Variants in RAB14 observed in about 807,000 individuals in gnomAD.
RAB14 encodes ras-related protein Rab-14.
Under a neutral mutation model 31.1 loss-of-function variants are expected in RAB14, and 3 were observed. The observed-to-expected ratio is 0.10, with a 90% CI of 0.04 to 0.25. The LOEUF (loss-of-function observed/expected upper bound fraction) is 0.25, where lower values mean the gene tolerates loss of function less well. Among genes scored for constraint, RAB14 ranks in the 10% least tolerant of loss-of-function variants. The pLI is 1.00. For synonymous variants in RAB14, 85 were observed against 84.9 expected (o/e 1.00, Z 0.00); for missense variants, 111 against 260.1 (o/e 0.43, Z 3.94).
At chr9:121,198,022 C>CACAA (rs1049446511) in intron 1 of RAB14, among the ~76,000 whole-genome samples, 2 of 149,860 alleles carry the variant, frequency 1.3e-5, no homozygotes, top group African/African-American at 4.9e-5. Context: ...CACTTTCAAA[C>CACAA]ACACACACAC....
At chr9:121,184,772 T>C (rs1443821103) in intron 5 of RAB14, among the ~76,000 whole-genome samples, 10 of 152,140 alleles carry the variant, frequency 6.6e-5, no homozygotes, top group African/African-American at 2.2e-4. Context: ...GGAAGAAACT[T>C]TCATATACTA....
chr9:121,187,985 C>T (rs1225857659), intron 4 of RAB14, among the ~76,000 whole-genome samples: 1 of 151,852 alleles, frequency 6.6e-6, no homozygotes, highest in Non-Finnish European at 1.5e-5. Context: ...GAATATATTC[C>T]ATGATCTCTA....
At chr9:121,191,257 G>T (rs894504421) in intron 3 of RAB14, among the ~76,000 whole-genome samples, 1 of 152,026 alleles carries the variant, frequency 6.6e-6, no homozygotes, top group African/African-American at 2.4e-5. Flanking sequence ...CAATGGTCTT[G>T]GTACCCTAGG....
At chr9:121,190,158 G>A (rs1292650823) in intron 4 of RAB14, among the ~76,000 whole-genome samples, 3 of 152,044 alleles carry the variant, frequency 2.0e-5, no homozygotes, top group Non-Finnish European at 2.9e-5. Flanking sequence ...AAAACTCTTT[G>A]CTTGGCCTTC....
intron 4 of RAB14, among the ~76,000 whole-genome samples, chr9:121,187,733 G>A (rs1198890097): frequency 1.3e-5 from 2 of 151,996 alleles, no homozygotes. Context: ...TCTAAGATAA[G>A]TAAACAAACC....
At chr9:121,195,013 G>C (rs2053707373) in intron 1 of RAB14, among the ~76,000 whole-genome samples, 1 of 152,042 alleles carries the variant, frequency 6.6e-6, no homozygotes, top group African/African-American at 2.4e-5. Context: ...AGTTCTTTCA[G>C]GAAAGGGAGT....
chr9:121,190,488 A>G, intron 4 of RAB14, 66 bp downstream of exon 4: 1 of 1,391,968 alleles, frequency 7.2e-7, no homozygotes, highest in Non-Finnish European at 9.6e-7. Flanking sequence ...ATGCCTATCA[A>G]TTTTTTTTTA....
Position 121,199,076 on chromosome 9 carries a change from T to G in RAB14, c.-8+2563A>C, listed in dbSNP as rs566329299. ...TCTATATACAGGAAATAAAGTATTCTAATACTGGACCTCTGTTTACAGAAA... is the reference window on the plus strand; with the variant it reads ...TCTATATACAGGAAATAAAGTATTCGAATACTGGACCTCTGTTTACAGAAA... On this transcript the variant is annotated intron_variant, in intron 1 of 7. Transcript: ENST00000373840. Among the ~76,000 whole-genome samples, 28 of 152,312 alleles carry G rather than the reference T, an allele frequency of 1.8e-4. 1 individual carries two copies. In the South Asian group the frequency reaches 5.8e-3, roughly 32 times the overall value.
At chr9:121,183,988 G>A (rs2053646836) in intron 5 of RAB14, among the ~76,000 whole-genome samples, 1 of 152,146 alleles carries the variant, frequency 6.6e-6, no homozygotes, top group African/African-American at 2.4e-5. Context: ...TCCTCAAAAA[G>A]TTTGAAAGCC....
rs931857116 is a variant in RAB14 at position 121,178,843 on chromosome 9, C to T, written c.*2553G>A. The T allele has an allele frequency of 4.6e-5, 7 of 152,192 alleles. No individual in the cohort carries two copies. In the South Asian group the frequency reaches 8.3e-4, roughly 18 times the overall value. 9.4% of individuals were successfully genotyped at this position (152,192 alleles called of 1,614,324 possible). A position where few individuals can be genotyped will look rare whatever the true frequency, so the allele number is the denominator to read the frequency against. On this transcript the variant is annotated 3_prime_UTR_variant, in exon 8 of 8. Coordinates refer to ENST00000373840, the MANE Select transcript of RAB14 (RefSeq NM_016322.4). ...CAGGTCCAAGGGCAATGAGCAACCT[C>T]AAGAGGCAGGTGACTGCACAAGCAG... is the stretch of plus-strand genomic sequence containing the variant.
chr9:121,181,708 G>GAAC (rs2053633930), intron 7 of RAB14, 135 bp from the exon 8 acceptor site: 4 of 394,914 alleles, frequency 1.0e-5, no homozygotes, highest in Non-Finnish European at 1.8e-5. Flanking sequence ...GAGATTACCA[G>GAAC]AACACTGAGC....
intron 5 of RAB14, among the ~76,000 whole-genome samples, chr9:121,184,409 CT>C (rs2053649066): frequency 1.3e-5 from 2 of 152,112 alleles, no homozygotes; most frequent in Non-Finnish European, 2.9e-5. Context: ...CAGCAAAGGG[CT>C]TTGGCCTTTA....
intron 7 of RAB14, among the ~76,000 whole-genome samples, chr9:121,182,139 A>G (rs1044428880): frequency 3.9e-5 from 6 of 152,230 alleles, no homozygotes; most frequent in African/African-American, 7.2e-5. Flanking sequence ...GTTATATGCA[A>G]TCATTAAAAT....
chr9:121,198,861 G>C (rs1283800080), intron 1 of RAB14, among the ~76,000 whole-genome samples: 8 of 151,922 alleles, frequency 5.3e-5, no homozygotes, highest in African/African-American at 1.9e-4. Context: ...TAAAACTTCT[G>C]TAGTTAATCT....
chr9:121,186,502 T>C (rs1223728447), intron 5 of RAB14, among the ~76,000 whole-genome samples: 2 of 152,156 alleles, frequency 1.3e-5, no homozygotes, highest in Non-Finnish European at 2.9e-5. Flanking sequence ...ATCCTTTTTA[T>C]TTTTGACTGA....
intron 4 of RAB14, among the ~76,000 whole-genome samples, chr9:121,188,157 TCCC>T (rs964777791): frequency 4.0e-5 from 6 of 151,808 alleles, no homozygotes; most frequent in South Asian, 2.1e-4. Flanking sequence ...ATAGCCCCTT[TCCC>T]CCCAATGTTT....
chr9:121,181,744 C>CTTTTTT (rs3838268), intron 7 of RAB14, among the ~76,000 whole-genome samples, 171 bp from the exon 8 acceptor site: 12 of 102,938 alleles, frequency 1.2e-4, no homozygotes, highest in Non-Finnish European at 2.2e-4. Flanking sequence ...AACTATTTTC[C>CTTTTTT]TTTTTTTTTT....
Sources: gnomAD v4.1 joint callset for allele counts (sites outside exome capture counted in the v4.1 genomes callset) on GRCh38, gnomAD v4.1.1 for gene constraint, MANE v1.5 for transcripts, NCBI Gene and HGNC (gene_info 2026-07-23, HGNC 2026-07-21) for gene names.